Variants in TADA1 observed in about 807,000 individuals in gnomAD.
The protein encoded by TADA1 is transcriptional adapter 1.
TADA1 carries 23 observed loss-of-function variants against 39.3 expected under a neutral mutation model. The observed-to-expected ratio is 0.58, with a 90% CI of 0.42 to 0.83. TADA1 has a LOEUF of 0.83. Ranked by LOEUF, TADA1 falls within the 40% of genes least tolerant of loss-of-function variation. The probability of loss-of-function intolerance (pLI) is 0.00; values close to 1 mark genes in which losing one functional copy is unlikely to be tolerated. For missense variants in TADA1, 352 were observed against 408.1 expected (o/e 0.86, Z 1.18); for synonymous variants, 137 against 151.8 (o/e 0.90, Z 0.72).
chr1:166,862,172 G>GT (rs1557908471), intron 5 of TADA1, 31 bp downstream of exon 5: 1 of 1,605,312 alleles, frequency 6.2e-7, no homozygotes, highest in African/African-American at 1.3e-5. Context: ...CATTCAACCT[G>GT]TAAGATTATT....
intron 1 of TADA1, among the ~76,000 whole-genome samples, chr1:166,871,626 C>T (rs756822174): frequency 6.6e-6 from 1 of 152,164 alleles, no homozygotes; most frequent in Non-Finnish European, 1.5e-5. Flanking sequence ...GCCCATTTCA[C>T]TTAACAACAG....
At position 166,869,918 on chromosome 1, in the gene TADA1, T is replaced by C. The variant is rs938860372; in HGVS notation, c.75-64A>G. The C allele has an allele frequency of 2.8e-6, 4 of 1,439,604 alleles. No individual in the cohort carries two copies. In the African/African-American group the frequency reaches 5.7e-5, roughly 21 times the overall value. The allele number at this position is 1,439,604 out of a possible 1,614,324, so 89.2% of individuals were successfully genotyped here. Reference sequence around the variant, plus strand: ...GCTGCTTCTAGTTTTTTTTGTTTGTTTTGTTTTTTTAAAGAGACGGGGTTT... The same window carrying C: ...GCTGCTTCTAGTTTTTTTTGTTTGTCTTGTTTTTTTAAAGAGACGGGGTTT... On this transcript the variant is annotated intron_variant, in intron 1 of 7. Coordinates refer to ENST00000367874, the MANE Select transcript of TADA1 (RefSeq NM_053053.4).
rs777697571 is a variant in TADA1, at chr1:166,858,172, G to GC, written c.801_802insG (p.Leu268AlafsTer15). ...TTCACCGGAGGCAAAGATGCAGGTA[G>GC]AGTGTCTCCGGAGCATGCCAGCAGG... On this transcript the variant is annotated frameshift_variant, in exon 7 of 8. Coordinates refer to ENST00000367874, the MANE Select transcript of TADA1 (RefSeq NM_053053.4). LOFTEE classifies it high-confidence loss of function. 6.2e-7 allele frequency: 1 copy of GC among 1,614,218 alleles called. No homozygotes were observed. Among genetic ancestry groups the GC allele is most frequent in the Admixed American group, 1.7e-5 (1 of 60,024 alleles).
At position 166,869,317 on chromosome 1, in the gene TADA1, T is replaced by G. The variant is rs56381523; in HGVS notation, c.232+128A>C. 4.2e-3 allele frequency: 2,565 copies of G among 617,524 alleles called. 18 individuals carry two copies. Among genetic ancestry groups the G allele is most frequent in the African/African-American group, 0.024 (1,255 of 52,532 alleles). The allele number at this position is 617,524 out of a possible 1,614,324, so 38.3% of individuals were successfully genotyped here. On this transcript the variant is annotated intron_variant, in intron 3 of 7. Transcript: ENST00000367874. The stretch of plus-strand genomic sequence containing the variant: ...TTCTGTAAAAGAATTTGTATCTACC[T>G]AATAAAACTTTTCTTCTGAGTAGTT...
At position 166,876,203 on chromosome 1, in the gene TADA1, C is replaced by T; in HGVS notation, c.31G>A (p.Ala11Thr). MATFVSELEA[A>T]KKNLSEALGD... ...AGGGCCTCGCTTAAGTTCTTCTTGG[C>T]CGCCTCCAGCTCGCTCACAAAGGTC... The change falls in exon 1 of 8, where the codon GCC (alanine) becomes ACC (threonine). Residue 11 changes from alanine to threonine, a missense_variant. Physicochemically the swap from Ala to Thr is moderately conservative, Grantham distance 58. Coordinates refer to ENST00000367874, the MANE Select transcript of TADA1 (RefSeq NM_053053.4). 6.2e-7 allele frequency: 1 copy of T among 1,613,634 alleles called. No homozygotes were observed. Among genetic ancestry groups the T allele is most frequent in the Non-Finnish European group, 8.5e-7 (1 of 1,179,828 alleles).
In TADA1 at chr1:166,857,632, C is replaced by G. The variant is rs762160263; in HGVS notation, c.943G>C (p.Glu315Gln). The G allele has an allele frequency of 6.2e-7, 1 of 1,614,080 alleles. No individual in the cohort carries two copies. Among genetic ancestry groups the G allele is most frequent in the Non-Finnish European group, 8.5e-7 (1 of 1,180,048 alleles). The stretch of plus-strand genomic sequence containing the variant: ...CGGTGAACTTTGTCTTGCTGCAGCT[C>G]TTCATGATTTGGATGCCAGAGTTTC... ...ITKLWHPNHEELQQDKVHRQR... is the reference protein window; with the variant it reads ...ITKLWHPNHEQLQQDKVHRQR... Residue 315 changes from glutamate (E) to glutamine (Q), a missense_variant, in exon 8 of 8, where the codon GAG becomes CAG. By Grantham distance (29) the Glu-to-Gln change is conservative. Transcript: ENST00000367874.
chr1:166,872,186 A>G (rs1658674410), intron 1 of TADA1, among the ~76,000 whole-genome samples: 1 of 152,180 alleles, frequency 6.6e-6, no homozygotes, highest in African/African-American at 2.4e-5. Flanking sequence ...TTAATCCTCA[A>G]TGGTGGAGGT....
intron 4 of TADA1, 149 bp from the exon 5 acceptor site, chr1:166,862,561 C>G (rs1658439298): frequency 3.2e-6 from 2 of 627,414 alleles, no homozygotes; most frequent in South Asian, 2.0e-5. Context: ...AATTCATGCA[C>G]AAATAATCAC....
intron 2 of TADA1, 118 bp from the exon 3 acceptor site, chr1:166,869,628 TA>T (rs1223351669): frequency 4.3e-6 from 6 of 1,382,678 alleles, no homozygotes; most frequent in Non-Finnish European, 6.0e-6. Flanking sequence ...GCTTTATACT[TA>T]AAGTATCCAC....
chr1:166,857,572 A>G lies in TADA1; in HGVS notation c.1003T>C (p.Cys335Arg), dbSNP rs1401800653. 11 of 1,613,944 alleles carry G rather than the reference A, an allele frequency of 6.8e-6. No homozygotes were observed. Among genetic ancestry groups the G allele is most frequent in the Non-Finnish European group, 8.5e-6 (10 of 1,179,960 alleles). The change falls in exon 8 of 8, where the codon TGC becomes CGC. Residue 335 changes from cysteine to arginine, a missense_variant. Transcript: ENST00000367874. Reference sequence around the variant, plus strand: ...CCACACCCTCAAATCCTAATTTAGCACAGCAAAAGCCCCTCCTTGGCTGCC... The same window carrying G: ...CCACACCCTCAAATCCTAATTTAGCGCAGCAAAAGCCCCTCCTTGGCTGCC... ...RLAAKEGLLL[C>R]
At chr1:166,859,632 C>T (rs10918586) in intron 6 of TADA1, among the ~76,000 whole-genome samples, 3 of 151,868 alleles carry the variant, frequency 2.0e-5, no homozygotes, top group South Asian at 2.1e-4. Flanking sequence ...AATGGGAAGA[C>T]GACACAGGAA....
In TADA1 at chr1:166,858,114, C is replaced by G. The variant is rs752581722; in HGVS notation, c.855+5G>C. 1 of 1,614,140 alleles carries G rather than the reference C, an allele frequency of 6.2e-7. No homozygotes were observed. The highest frequency in any genetic ancestry group is 1.1e-5 in the South Asian group (1 of 91,074). ...CTAGGTAAACTTTAAGGAGCCAAGA[C>G]TTACCTGCAAAGCTTCAAAAAGATC... On this transcript the variant is annotated splice_donor_5th_base_variant and intron_variant, in intron 7 of 7. Transcript: ENST00000367874.
chr1:166,862,371 T>C lies in TADA1; in HGVS notation c.372A>G (p.Gln124=), dbSNP rs752757341. The change falls in exon 5 of 8, where the codon CAA becomes CAG. Residue 124 remains glutamine, a synonymous_variant. Coordinates refer to ENST00000367874, the MANE Select transcript of TADA1 (RefSeq NM_053053.4). ...CATCTTGGGGATCCTTTGCCACAAA[T>C]TGCTGGGCTCCTGAGAGAGGATTTT... ...QPQNPLSGAQ[Q]FVAKDPQDDD... 1.4e-5 allele frequency: 23 copies of C among 1,614,094 alleles called. No individual in the cohort carries two copies. The highest frequency in any genetic ancestry group is 1.9e-5 in the Non-Finnish European group (22 of 1,180,052).
At position 166,858,225 on chromosome 1, in the gene TADA1, G is replaced by T; in HGVS notation, c.749C>A (p.Pro250His). 3 of 1,610,882 alleles carry T rather than the reference G, an allele frequency of 1.9e-6. No individual in the cohort carries two copies. In the South Asian group the frequency reaches 3.3e-5, roughly 18 times the overall value. ...AGQNPASHPP[P>H]DDAEQQAALL... ...TGCAGCCTGCTGCTCAGCATCATCA[G>T]GGGGTGGGTGAGAAGCTGGATTCTG... The change falls in exon 7 of 8, where the codon CCT becomes CAT. Residue 250 changes from proline to histidine, a missense_variant. Physicochemically the swap from Pro to His is moderately conservative, Grantham distance 77. Coordinates refer to ENST00000367874, the MANE Select transcript of TADA1 (RefSeq NM_053053.4).
At chr1:166,874,098 T>G (rs1280627723) in intron 1 of TADA1, among the ~76,000 whole-genome samples, 2 of 151,716 alleles carry the variant, frequency 1.3e-5, no homozygotes, top group Non-Finnish European at 2.9e-5. Context: ...ATCCCAGCAC[T>G]TTGGGAGGCC....
At position 166,869,874 on chromosome 1, in the gene TADA1, ACT is replaced by A; in HGVS notation, c.75-22_75-21del. 4 of 1,594,740 alleles carry A rather than the reference ACT, an allele frequency of 2.5e-6. No individual in the cohort carries two copies. The highest frequency in any genetic ancestry group is 3.4e-6 in the Non-Finnish European group (4 of 1,167,270). On this transcript the variant is annotated intron_variant, in intron 1 of 7. Transcript: ENST00000367874. ...CAGTATCTGCAGAGGCAGAAACAAT[ACT>A]AAGAACCACAGATTTGGCTGCTTCT... is the stretch of plus-strand genomic sequence containing the variant.
chr1:166,867,350 T>C (rs1658560903), intron 3 of TADA1, among the ~76,000 whole-genome samples: 1 of 152,200 alleles, frequency 6.6e-6, no homozygotes, highest in Non-Finnish European at 1.5e-5. Flanking sequence ...CAAAATAGAT[T>C]ATGATTTAAC....
At position 166,869,701 on chromosome 1, in the gene TADA1, C is replaced by G. The variant is rs1658615066; in HGVS notation, c.166+62G>C. ...TTTTACTTTTTAAAAAGGGAAAAGA[C>G]TTTACTACAAATCTAGGAAAACTAC... On this transcript the variant is annotated intron_variant, in intron 2 of 7. Coordinates refer to ENST00000367874, the MANE Select transcript of TADA1 (RefSeq NM_053053.4). 5.2e-6 allele frequency: 8 copies of G among 1,552,078 alleles called. No homozygotes were observed. In the South Asian group the frequency reaches 9.1e-5, roughly 18 times the overall value.
Position 166,858,140 on chromosome 1 carries a change from G to A in TADA1, c.834C>T (p.Tyr278=), listed in dbSNP as rs769253861. The A allele has an allele frequency of 1.4e-5, 23 of 1,614,012 alleles. No individual in the cohort carries two copies. Among genetic ancestry groups the A allele is most frequent in the Middle Eastern group, 1.6e-4 (1 of 6,084 alleles). Residue 278 remains tyrosine (Y), a synonymous_variant, in exon 7 of 8, where the codon TAC becomes TAT. Transcript: ENST00000367874. The part of the protein sequence containing the change: ...LPASLPPVNM[Y]DLFEALQVHR... ...TTACCTGCAAAGCTTCAAAAAGATC[G>A]TACATGTTCACCGGAGGCAAAGATG...
Sources: gnomAD v4.1 joint callset for allele counts (sites outside exome capture counted in the v4.1 genomes callset) on GRCh38, gnomAD v4.1.1 for gene constraint, MANE v1.5 for transcripts, NCBI Gene and HGNC (gene_info 2026-07-23, HGNC 2026-07-21) for gene names.